The following NARS2 variants were observed in gnomAD, a reference collection of about 807,000 sequenced individuals.
NARS2 encodes the protein asparaginyl-tRNA synthetase 2, mitochondrial, also known as asparaginyl-tRNA synthetase.
A neutral mutation model predicts 62.9 loss-of-function variants in NARS2; 60 were observed. The ratio of observed to expected loss-of-function variants is 0.95; its 90% CI spans 0.77 to 1.18. The LOEUF is 1.18. NARS2 is among the 50% of genes most tolerant of loss of function. The pLI is 0.00. For synonymous variants in NARS2, 196 were observed against 200.0 expected, an observed-to-expected ratio of 0.98 and a Z score of 0.17; for missense variants, 619 against 576.4, an observed-to-expected ratio of 1.07 and a Z score of -0.76.
intron 5 of NARS2, among the ~76,000 whole-genome samples, chr11:78,547,215 T>TAGCTACC (rs1855914425): frequency 6.6e-6 from 1 of 151,732 alleles, no homozygotes; most frequent in Admixed American, 6.6e-5. Flanking sequence ...CCCATAGTAC[T>TAGCTACC]AGCTACCAGC....
In NARS2 at chr11:78,469,322, A is replaced by T. The variant is rs184653643; in HGVS notation, c.960-9T>A. On this transcript the variant is annotated splice_polypyrimidine_tract_variant and intron_variant, in intron 9 of 13. Transcript: ENST00000281038. ...CTTCAGTATAAGAAATGCTGGAGGA[A>T]AACAGGATACAAGCAGAGAAAAGTC... The T allele has an allele frequency of 2.5e-6, 4 of 1,610,700 alleles. No individual in the cohort carries two copies. The East Asian group carries it at 8.9e-5, about 36-fold the overall frequency.
In NARS2 at chr11:78,570,780, A is replaced by G. The variant is rs116234017; in HGVS notation, c.251+555T>C. Among the ~76,000 whole-genome samples, 1,373 of 152,356 alleles carry G rather than the reference A, an allele frequency of 9.0e-3. 16 individuals are homozygous for G. Among genetic ancestry groups the G allele is most frequent in the African/African-American group, 0.031 (1,278 of 41,582 alleles). On this transcript the variant is annotated intron_variant, in intron 2 of 13. Coordinates refer to ENST00000281038, the MANE Select transcript of NARS2 (RefSeq NM_024678.6). ...TATTGTCAGCACTATGCTAGAGGCC[A>G]AGAATACAAAAAAGAGTGAGATGCC...
chr11:78,574,242 C>A (rs1857033185), intron 1 of NARS2, 106 bp downstream of exon 1: 1 of 1,451,982 alleles, frequency 6.9e-7, no homozygotes, highest in African/African-American at 1.4e-5. Context: ...CTAACTTTTC[C>A]CTGCTGGCGG....
intron 5 of NARS2, among the ~76,000 whole-genome samples, chr11:78,558,919 G>A (rs537742803): frequency 7.2e-5 from 11 of 152,232 alleles, no homozygotes; most frequent in African/African-American, 2.6e-4. Context: ...ATCTGCGTAA[G>A]AGAGAGCTTA....
intron 5 of NARS2, among the ~76,000 whole-genome samples, chr11:78,553,072 C>T (rs1455622241): frequency 6.6e-6 from 1 of 152,194 alleles, no homozygotes; most frequent in African/African-American, 2.4e-5. Flanking sequence ...TATACTCCCT[C>T]CAACAGCATA....
At chr11:78,530,499 A>C (rs1861437937) in intron 5 of NARS2, among the ~76,000 whole-genome samples, 1 of 152,156 alleles carries the variant, frequency 6.6e-6, no homozygotes, top group Admixed American at 6.6e-5. Flanking sequence ...TTTGAGACAG[A>C]GTCTCACACT....
At chr11:78,505,095 T>C (rs916971518) in intron 6 of NARS2, among the ~76,000 whole-genome samples, 1 of 151,430 alleles carries the variant, frequency 6.6e-6, no homozygotes, top group Non-Finnish European at 1.5e-5. Flanking sequence ...TCTGAATTCA[T>C]AGCAAGAGAA....
intron 6 of NARS2, among the ~76,000 whole-genome samples, chr11:78,508,587 C>CAAA (rs796557623): frequency 1.7e-5 from 1 of 57,758 alleles, no homozygotes; most frequent in African/African-American, 3.9e-5. Context: ...GACTCCATCT[C>CAAA]AAAAAAAAAA....
Position 78,444,523 on chromosome 11 carries a change from T to G in NARS2, c.1165-765A>C, listed in dbSNP as rs374026584. ...CTGAGCTCAGGAGTTCAAGACCACC[T>G]TGGGGGCAACATGGTACAACCCCCG... On this transcript the variant is annotated intron_variant, in intron 11 of 13. Coordinates refer to ENST00000281038, the MANE Select transcript of NARS2 (RefSeq NM_024678.6). Among the ~76,000 whole-genome samples the G allele has an allele frequency of 1.6e-4, 24 of 152,114 alleles. No homozygotes were observed. The East Asian group carries it at 4.3e-3, about 27-fold the overall frequency.
chr11:78,498,485 AACT>A (rs1860148982), intron 6 of NARS2, among the ~76,000 whole-genome samples: 1 of 152,084 alleles, frequency 6.6e-6, no homozygotes, highest in African/African-American at 2.4e-5. Context: ...GATTTCAGTT[AACT>A]ACTTACTGGC....
chr11:78,445,011 A>G (rs180848042), intron 11 of NARS2, among the ~76,000 whole-genome samples: 44 of 152,302 alleles, frequency 2.9e-4, no homozygotes, highest in Admixed American at 5.2e-4. Flanking sequence ...AGCATTACTT[A>G]TGACAAAAAG....
rs190151855 is a variant in NARS2 at position 78,459,363 on chromosome 11, C to G, written c.1164+6513G>C. Among the ~76,000 whole-genome samples the G allele has an allele frequency of 1.4e-3, 214 of 150,834 alleles. 2 individuals carry two copies. Among genetic ancestry groups the G allele is most frequent in the Middle Eastern group, 6.8e-3 (2 of 292 alleles). Reference sequence around the variant, plus strand: ...TCGGCTCACTGCAACCTCTGCCTCTCGGGTTCAAGCGATTCTCCTGCCTAA... The same window carrying G: ...TCGGCTCACTGCAACCTCTGCCTCTGGGGTTCAAGCGATTCTCCTGCCTAA... On this transcript the variant is annotated intron_variant, in intron 11 of 13. Coordinates refer to ENST00000281038, the MANE Select transcript of NARS2 (RefSeq NM_024678.6).
intron 13 of NARS2, among the ~76,000 whole-genome samples, chr11:78,437,752 G>A (rs372347927): frequency 2.6e-5 from 4 of 151,988 alleles, no homozygotes; most frequent in Admixed American, 6.6e-5. Flanking sequence ...CGAGGTGGGC[G>A]GATCACTAGC....
chr11:78,539,782 A>C (rs892143599), intron 5 of NARS2, among the ~76,000 whole-genome samples: 13 of 152,316 alleles, frequency 8.5e-5, no homozygotes, highest in African/African-American at 2.9e-4. Context: ...CATGTCCTGC[A>C]ATATATACAA....
intron 5 of NARS2, among the ~76,000 whole-genome samples, chr11:78,537,476 G>T (rs1209442878): frequency 6.6e-6 from 1 of 152,146 alleles, no homozygotes; most frequent in South Asian, 2.1e-4. Context: ...AATGTGTCTA[G>T]AAGTTTCAGA....
rs563391622 is a variant in NARS2, at chr11:78,500,482, A to T, written c.690-7287T>A. On this transcript the variant is annotated intron_variant, in intron 6 of 13. Coordinates refer to ENST00000281038, the MANE Select transcript of NARS2 (RefSeq NM_024678.6). ...TGCATTTGCTTGATTTTATTTATTT[A>T]TTTTTTTTTGAGGCAGGGTCTTGCT... Among the ~76,000 whole-genome samples, 9 of 151,232 alleles carry T rather than the reference A, an allele frequency of 6.0e-5. No homozygotes were observed. In the South Asian group the frequency reaches 1.3e-3, roughly 21 times the overall value.
intron 10 of NARS2, among the ~76,000 whole-genome samples, chr11:78,467,612 T>C (rs918778705): frequency 1.3e-5 from 2 of 151,936 alleles, no homozygotes; most frequent in African/African-American, 2.4e-5. Flanking sequence ...ACAAAGGAGT[T>C]CCTTCACAGA....
intron 11 of NARS2, among the ~76,000 whole-genome samples, chr11:78,451,430 A>T (rs915023377): frequency 6.6e-6 from 1 of 152,220 alleles, no homozygotes; most frequent in African/African-American, 2.4e-5. Flanking sequence ...CAATTACACA[A>T]ATTTCTTGGA....
chr11:78,519,221 G>A (rs950667110), intron 6 of NARS2, among the ~76,000 whole-genome samples: 1 of 152,086 alleles, frequency 6.6e-6, no homozygotes, highest in African/African-American at 2.4e-5. Context: ...AATTTTTCAT[G>A]GCTTTTGAGC....
Sources: gnomAD v4.1 joint callset for allele counts (sites outside exome capture counted in the v4.1 genomes callset) on GRCh38, gnomAD v4.1.1 for gene constraint, MANE v1.5 for transcripts, NCBI Gene and HGNC (gene_info 2026-07-23, HGNC 2026-07-21) for gene names.